The following LTAP1 variants were observed in gnomAD, a reference collection of about 807,000 sequenced individuals.
LTAP1 encodes HCV NS5A-transactivated protein 4.
the LTAP1 span, among the ~76,000 whole-genome samples, chr1:154,208,102 A>C: frequency 6.6e-6 from 1 of 151,692 alleles, no homozygotes; most frequent in African/African-American, 2.4e-5. Flanking sequence ...CATCTCAAAA[A>C]AAAAAAAAGT....
At chr1:154,214,354 G>A in the LTAP1 span, 2 of 749,084 alleles carry the variant, frequency 2.7e-6, no homozygotes, top group Admixed American at 4.5e-5. Context: ...CCAATAACAG[G>A]AATAACTAAG....
the LTAP1 span, among the ~76,000 whole-genome samples, chr1:154,213,712 A>T: frequency 6.6e-6 from 1 of 152,232 alleles, no homozygotes; most frequent in African/African-American, 2.4e-5. Context: ...TTTGGAGAAT[A>T]ACCTGCTTAT....
At chr1:154,211,014 TA>T in the LTAP1 span, among the ~76,000 whole-genome samples, 6 of 152,030 alleles carry the variant, frequency 3.9e-5, no homozygotes, top group Admixed American at 3.9e-4. Context: ...TTTTAATTTT[TA>T]TTTTTTTTTT....
the LTAP1 span, chr1:154,220,517 T>C: frequency 2.4e-6 from 3 of 1,242,896 alleles, no homozygotes; most frequent in Non-Finnish European, 3.5e-6. Context: ...TCCCCGGCCA[T>C]TTCCTTACGG....
the LTAP1 span, chr1:154,213,049 G>GT: frequency 5.9e-6 from 1 of 168,454 alleles, no homozygotes; most frequent in East Asian, 1.6e-4. Flanking sequence ...GCTCACGCCT[G>GT]TAATTACAGC....
chr1:154,215,783 T>C, the LTAP1 span, among the ~76,000 whole-genome samples: 1 of 151,716 alleles, frequency 6.6e-6, no homozygotes, highest in Non-Finnish European at 1.5e-5. Context: ...AAAAGCATAA[T>C]AATGAACACC....
At chr1:154,208,313 T>C in the LTAP1 span, among the ~76,000 whole-genome samples, 2 of 152,060 alleles carry the variant, frequency 1.3e-5, no homozygotes, top group Non-Finnish European at 2.9e-5. Flanking sequence ...GGAGGATCGC[T>C]TGAACCCAGA....
At chr1:154,219,986 T>TG in the LTAP1 span, 3 of 1,321,496 alleles carry the variant, frequency 2.3e-6, no homozygotes, top group South Asian at 2.7e-5. Context: ...AGTTTTGTTT[T>TG]GTTTTTTTTT....
the LTAP1 span, chr1:154,214,679 A>G: frequency 8.7e-6 from 6 of 692,980 alleles, no homozygotes; most frequent in Admixed American, 6.9e-5. Flanking sequence ...ACAGAAATAG[A>G]GACCATGCTC....
chr1:154,216,492 G>A, the LTAP1 span, among the ~76,000 whole-genome samples: 1 of 151,470 alleles, frequency 6.6e-6, no homozygotes, highest in African/African-American at 2.4e-5. Flanking sequence ...ACACCACCAT[G>A]CATGGCTAAT....
the LTAP1 span, chr1:154,219,869 T>G: frequency 6.2e-7 from 1 of 1,613,732 alleles, no homozygotes; most frequent in African/African-American, 1.3e-5. Context: ...GGACATGAGG[T>G]CCCCTTCGAG....
the LTAP1 span, chr1:154,220,446 CG>C: frequency 6.2e-7 from 1 of 1,613,038 alleles, no homozygotes; most frequent in Non-Finnish European, 8.5e-7. Flanking sequence ...GGGTTTACCC[CG>C]CTGTCCTGGC....
At chr1:154,217,413 C>T in the LTAP1 span, among the ~76,000 whole-genome samples, 1 of 152,170 alleles carries the variant, frequency 6.6e-6, no homozygotes, top group Non-Finnish European at 1.5e-5. Flanking sequence ...CTCTCCCAGC[C>T]CAGGCAACAT....
chr1:154,214,365 G>A, the LTAP1 span: 3 of 810,414 alleles, frequency 3.7e-6, 1 homozygote, highest in South Asian at 3.1e-5. Flanking sequence ...AATAACTAAG[G>A]CTTTGCCAGC....
chr1:154,218,424 G>C, the LTAP1 span, among the ~76,000 whole-genome samples: 1 of 152,226 alleles, frequency 6.6e-6, no homozygotes, highest in African/African-American at 2.4e-5. Context: ...GGTTCATGAT[G>C]TGCTAGAAAC....
the LTAP1 span, among the ~76,000 whole-genome samples, chr1:154,209,753 ATT>A: frequency 1.4e-5 from 2 of 143,812 alleles, no homozygotes; most frequent in African/African-American, 2.5e-5. Flanking sequence ...CGCCCGGCTA[ATT>A]TTTTTTTTTT....
chr1:154,218,828 T>C, the LTAP1 span, among the ~76,000 whole-genome samples: 1 of 152,128 alleles, frequency 6.6e-6, no homozygotes, highest in Non-Finnish European at 1.5e-5. Context: ...TGGACAAACA[T>C]AAAAATTATG....
the LTAP1 span, among the ~76,000 whole-genome samples, chr1:154,208,149 TCCC>T: frequency 6.6e-6 from 1 of 150,468 alleles, no homozygotes; most frequent in Non-Finnish European, 1.5e-5. Flanking sequence ...ATACCTGTAA[TCCC>T]AGCACTTCAG....
At chr1:154,209,922 C>A in the LTAP1 span, among the ~76,000 whole-genome samples, 1 of 151,306 alleles carries the variant, frequency 6.6e-6, no homozygotes, top group Non-Finnish European at 1.5e-5. Flanking sequence ...GACAGGGTTA[C>A]ACTATGATGC....
Sources: allele counts gnomAD v4.1 joint callset (sites outside exome capture counted in the v4.1 genomes callset), GRCh38; gene constraint gnomAD v4.1.1; transcripts MANE v1.5; gene names NCBI Gene and HGNC (gene_info 2026-07-23, HGNC 2026-07-21).